Variants in STK40 observed in about 807,000 individuals in gnomAD.
The protein encoded by STK40 is serine/threonine kinase 40, also known as serine/threonine-protein kinase 40.
In STK40, 13 loss-of-function variants were observed where a neutral mutation model predicts 47.9. That is an observed-to-expected ratio of 0.27 (90% CI 0.18 to 0.43). The LOEUF (loss-of-function observed/expected upper bound fraction) is 0.43, where lower values mean the gene tolerates loss of function less well. Among genes scored for constraint, STK40 ranks in the 20% least tolerant of loss-of-function variants. STK40 has a pLI of 1.00. For synonymous variants in STK40, 225 were observed against 243.2 expected, an observed-to-expected ratio of 0.93 and a Z score of 0.69; for missense variants, 460 against 595.1, an observed-to-expected ratio of 0.77 and a Z score of 2.36.
At chr1:36,370,959 C>T (rs1453700869) in intron 1 of STK40, among the ~76,000 whole-genome samples, 1 of 151,750 alleles carries the variant, frequency 6.6e-6, no homozygotes, top group Non-Finnish European at 1.5e-5. Context: ...TCACTGCAAC[C>T]TCCGCCTCCT....
intron 2 of STK40, among the ~76,000 whole-genome samples, chr1:36,360,519 T>C (rs1034091677): frequency 7.0e-6 from 1 of 143,852 alleles, no homozygotes; most frequent in African/African-American, 2.9e-5. Context: ...CATTTTATTT[T>C]ATTTTATTTT....
chr1:36,347,236 G>C (rs1474786873), intron 7 of STK40, among the ~76,000 whole-genome samples: 1 of 152,232 alleles, frequency 6.6e-6, no homozygotes, highest in Non-Finnish European at 1.5e-5. Context: ...TGCACGGAAA[G>C]GGCGCACTCA....
At chr1:36,358,186 C>A in intron 4 of STK40, 53 bp downstream of exon 4, 1 of 1,486,438 alleles carries the variant, frequency 6.7e-7, no homozygotes. Context: ...CAAGTGGCAG[C>A]CCACAGAGCC....
chr1:36,372,800 T>G (rs1324726084), intron 1 of STK40: 1 of 152,078 alleles, frequency 6.6e-6, no homozygotes, highest in Non-Finnish European at 1.5e-5. Flanking sequence ...GAGTCAGAGG[T>G]GGGTTACTGA....
At chr1:36,344,399 C>G in intron 7 of STK40, 135 bp from the exon 8 acceptor site, 1 of 1,161,936 alleles carries the variant, frequency 8.6e-7, no homozygotes, top group South Asian at 1.7e-5. Context: ...GAGCTCCTGC[C>G]CGTGCTCCCC....
In STK40 at chr1:36,380,814, C is replaced by T. The variant is rs571421178; in HGVS notation, c.-9+4909G>A. On this transcript the variant is annotated intron_variant, in intron 1 of 10. Transcript: ENST00000373132. The stretch of plus-strand genomic sequence containing the variant: ...CCCTTCTCCCAGGTGCTGATTCAGG[C>T]GAAAGCAAAGGGAAGCCTGGCCCAA... 5.9e-5 allele frequency among the ~76,000 whole-genome samples: 9 copies of T among 152,246 alleles called. No homozygotes were observed. In the South Asian group the frequency reaches 8.3e-4, roughly 14 times the overall value.
chr1:36,343,336 A>T, intron 10 of STK40, 28 bp downstream of exon 10: 1 of 1,602,834 alleles, frequency 6.2e-7, no homozygotes, highest in South Asian at 1.1e-5. Flanking sequence ...GGGGCTGGGT[A>T]ATGGCCCATC....
intron 1 of STK40, among the ~76,000 whole-genome samples, chr1:36,373,538 T>G (rs1646967654): frequency 6.6e-6 from 1 of 152,166 alleles, no homozygotes; most frequent in South Asian, 2.1e-4. Flanking sequence ...GGGAGCTTGG[T>G]GGCTATGAGC....
At chr1:36,358,111 G>T in intron 4 of STK40, 128 bp downstream of exon 4, 3 of 1,210,272 alleles carry the variant, frequency 2.5e-6, no homozygotes, top group Non-Finnish European at 3.3e-6. Context: ...TGGAAGTCCT[G>T]ATGTACCTAG....
intron 7 of STK40, among the ~76,000 whole-genome samples, chr1:36,345,496 AGCTCTTTCCAGGCTGTGTCATCCTAG>A (rs1211666924): frequency 6.6e-6 from 1 of 152,090 alleles, no homozygotes; most frequent in East Asian, 1.9e-4. Context: ...GCTTCTCCCA[AGCTCTTTCCAGGCTGTGTCATCCTAG>A]GCTCTTTCCA....
intron 7 of STK40, among the ~76,000 whole-genome samples, chr1:36,346,552 T>C (rs1057061053): frequency 1.3e-5 from 2 of 152,216 alleles, no homozygotes; most frequent in Non-Finnish European, 2.9e-5. Context: ...CTTCAGCTTC[T>C]AACCCAGGAG....
intron 1 of STK40, among the ~76,000 whole-genome samples, chr1:36,374,625 G>A (rs1646976374): frequency 6.6e-6 from 1 of 152,224 alleles, no homozygotes; most frequent in Non-Finnish European, 1.5e-5. Context: ...AGAGGAGGAA[G>A]GGACAGACTT....
intron 1 of STK40, among the ~76,000 whole-genome samples, chr1:36,381,572 C>T (rs1302203745): frequency 6.6e-6 from 1 of 152,152 alleles, no homozygotes; most frequent in East Asian, 1.9e-4. Context: ...GTTGGGAACT[C>T]CCAGGTTCAA....
At chr1:36,379,969 C>G (rs1003439032) in intron 1 of STK40, among the ~76,000 whole-genome samples, 1 of 152,120 alleles carries the variant, frequency 6.6e-6, no homozygotes, top group African/African-American at 2.4e-5. Context: ...GAAAATAACC[C>G]AAGTGTTTGT....
chr1:36,360,552 T>G (rs964787443), intron 2 of STK40, among the ~76,000 whole-genome samples: 3 of 151,548 alleles, frequency 2.0e-5, no homozygotes, highest in Non-Finnish European at 4.4e-5. Flanking sequence ...TTTATTTTTT[T>G]AGAGAGAGAG....
chr1:36,354,650 T>G (rs1315961567), intron 5 of STK40, among the ~76,000 whole-genome samples: 1 of 152,210 alleles, frequency 6.6e-6, no homozygotes, highest in Non-Finnish European at 1.5e-5. Flanking sequence ...TGGCAGCTTC[T>G]TTAGCTCTTT....
At chr1:36,360,170 C>A (rs894826071) in intron 2 of STK40, among the ~76,000 whole-genome samples, 3 of 152,166 alleles carry the variant, frequency 2.0e-5, no homozygotes, top group African/African-American at 7.2e-5. Context: ...ACAGGCCTGG[C>A]AAACAGCACA....
In STK40 at chr1:36,340,658, C is replaced by T. The variant is rs1051308773; in HGVS notation, c.*1097G>A. On this transcript the variant is annotated 3_prime_UTR_variant, in exon 11 of 11. Coordinates refer to ENST00000373132, the MANE Select transcript of STK40 (RefSeq NM_001282547.2). ...AAGGGCAGCAGGGCTGTTCTCAAGC[C>T]AGGCAGGCAGGGTCCCCCAATCCCT... The T allele has an allele frequency of 6.5e-6, 1 of 152,818 alleles. No homozygotes were observed. The highest frequency in any genetic ancestry group is 2.4e-5 in the African/African-American group (1 of 41,452). 9.5% of individuals were successfully genotyped at this position (152,818 alleles called of 1,614,324 possible). A position where few individuals can be genotyped will look rare whatever the true frequency, so the allele number is the denominator to read the frequency against.
At chr1:36,373,002 C>T (rs975319737) in intron 1 of STK40, among the ~76,000 whole-genome samples, 5 of 152,156 alleles carry the variant, frequency 3.3e-5, no homozygotes, top group Non-Finnish European at 7.3e-5. Context: ...CCAAGGGTTT[C>T]AAGCCATGGA....
Sources: gnomAD v4.1 joint callset for allele counts (sites outside exome capture counted in the v4.1 genomes callset) on GRCh38, gnomAD v4.1.1 for gene constraint, MANE v1.5 for transcripts, NCBI Gene and HGNC (gene_info 2026-07-23, HGNC 2026-07-21) for gene names.